PRKN: variants seen among roughly 807,000 people sequenced by gnomAD.
PRKN encodes the protein E3 ubiquitin-protein ligase parkin.
Under a neutral mutation model 59.5 loss-of-function variants are expected in PRKN, and 56 were observed. The ratio of observed to expected loss-of-function variants is 0.94; its 90% CI spans 0.76 to 1.18. The LOEUF (loss-of-function observed/expected upper bound fraction) is 1.18, where lower values mean the gene tolerates loss of function less well. Ranked by LOEUF, PRKN falls within the 50% of genes most tolerant of loss-of-function variation. The pLI, the probability that PRKN is intolerant of heterozygous loss-of-function variation, is 0.00. For synonymous variants in PRKN, 250 were observed against 222.1 expected (o/e 1.13, Z -1.12); for missense variants, 657 against 596.4 (o/e 1.10, Z -1.06).
chr6:162,041,500 C>T (rs1784067342), intron 5 of PRKN, among the ~76,000 whole-genome samples: 1 of 152,176 alleles, frequency 6.6e-6, no homozygotes, highest in Non-Finnish European at 1.5e-5. Flanking sequence ...CCCATTCCCC[C>T]ACCTCTCTCT....
chr6:162,388,327 G>A (rs907356782), intron 2 of PRKN, among the ~76,000 whole-genome samples: 4 of 152,074 alleles, frequency 2.6e-5, no homozygotes, highest in African/African-American at 4.8e-5. Flanking sequence ...AGCTCCAATC[G>A]TCATCTTTCA....
intron 9 of PRKN, among the ~76,000 whole-genome samples, chr6:161,496,400 C>G (rs138632373): frequency 2.8e-4 from 42 of 152,246 alleles, no homozygotes; most frequent in Non-Finnish European, 5.1e-4. Context: ...TAAAGACATA[C>G]TCGACACTGG....
At position 161,791,957 on chromosome 6, in the gene PRKN, G is replaced by A. The variant is rs1303339611; in HGVS notation, c.735-6049C>T. Among the ~76,000 whole-genome samples the A allele has an allele frequency of 3.3e-5, 5 of 152,188 alleles. No homozygotes were observed. In the East Asian group the frequency reaches 7.7e-4, roughly 23 times the overall value. On this transcript the variant is annotated intron_variant, in intron 6 of 11. Transcript: ENST00000366898. ...CGCAGCCTCTGTCTGTGCTCTTACA[G>A]ATCACTTGCTCTGAGGAAAGCGAGC...
intron 4 of PRKN, among the ~76,000 whole-genome samples, chr6:162,060,976 G>A (rs1341985967): frequency 6.6e-6 from 1 of 152,082 alleles, no homozygotes; most frequent in Non-Finnish European, 1.5e-5. Context: ...TCATACTAAG[G>A]ACATAATACA....
chr6:162,340,219 C>G (rs1203234150), intron 2 of PRKN, among the ~76,000 whole-genome samples: 2 of 151,874 alleles, frequency 1.3e-5, no homozygotes, highest in Admixed American at 1.3e-4. Flanking sequence ...GAAAAGCTCT[C>G]TAATTCTATG....
intron 2 of PRKN, among the ~76,000 whole-genome samples, chr6:162,292,801 T>A (rs1781503283): frequency 6.6e-6 from 1 of 152,162 alleles, no homozygotes; most frequent in Admixed American, 6.5e-5. Flanking sequence ...CAGATCTCTT[T>A]GATTAGGTGA....
chr6:161,781,329 C>CA (rs1173523331), intron 7 of PRKN, among the ~76,000 whole-genome samples: 4 of 152,114 alleles, frequency 2.6e-5, no homozygotes, highest in African/African-American at 9.7e-5. Context: ...GCCACATTCA[C>CA]AAAAAATGTG....
intron 6 of PRKN, among the ~76,000 whole-genome samples, chr6:161,872,419 A>G (rs1306370186): frequency 1.3e-5 from 2 of 152,164 alleles, no homozygotes; most frequent in African/African-American, 4.8e-5. Flanking sequence ...ATCTTTCTCA[A>G]ATCTTCTCCA....
intron 1 of PRKN, among the ~76,000 whole-genome samples, chr6:162,604,034 C>T (rs1325609202): frequency 1.3e-5 from 2 of 152,142 alleles, no homozygotes; most frequent in African/African-American, 4.8e-5. Context: ...CAAGTCAACA[C>T]CTCCCTCTGT....
chr6:161,604,930 T>C (rs1041533930), intron 7 of PRKN, among the ~76,000 whole-genome samples: 5 of 151,830 alleles, frequency 3.3e-5, no homozygotes, highest in Non-Finnish European at 7.4e-5. Flanking sequence ...TGAGATTCTG[T>C]CCCCAAAAAA....
chr6:161,680,956 A>AT (rs1785338769), intron 7 of PRKN, among the ~76,000 whole-genome samples: 1 of 151,450 alleles, frequency 6.6e-6, no homozygotes. Flanking sequence ...AGTTTTTAAA[A>AT]TTTTTTAAAT....
chr6:161,836,715 C>G (rs775518952), intron 6 of PRKN, among the ~76,000 whole-genome samples: 4 of 152,126 alleles, frequency 2.6e-5, no homozygotes, highest in African/African-American at 9.7e-5. Context: ...AATGTCATAT[C>G]CAGGTGCAAA....
intron 10 of PRKN, among the ~76,000 whole-genome samples, chr6:161,374,775 A>C (rs374687827): frequency 2.3e-5 from 2 of 85,650 alleles, no homozygotes. Flanking sequence ...TGTGACAATA[A>C]GTTTCTATAA....
intron 1 of PRKN, among the ~76,000 whole-genome samples, chr6:162,588,615 C>G (rs950053677): frequency 2.0e-5 from 3 of 151,802 alleles, no homozygotes; most frequent in Non-Finnish European, 2.9e-5. Context: ...GCAGTGGCGC[C>G]ATCTCGGCTC....
At chr6:161,902,894 G>A (rs909076308) in intron 6 of PRKN, among the ~76,000 whole-genome samples, 1 of 152,102 alleles carries the variant, frequency 6.6e-6, no homozygotes, top group African/African-American at 2.4e-5. Flanking sequence ...AAGCACTAAG[G>A]CACAGCGTTA....
chr6:161,926,343 G>A (rs561361960), intron 6 of PRKN, among the ~76,000 whole-genome samples: 33 of 152,246 alleles, frequency 2.2e-4, no homozygotes, highest in Non-Finnish European at 4.4e-4. Context: ...CCTTTGTAGC[G>A]GGAGTCGCAG....
chr6:162,492,323 G>A (rs1792853988), intron 1 of PRKN, among the ~76,000 whole-genome samples: 1 of 152,164 alleles, frequency 6.6e-6, no homozygotes, highest in Non-Finnish European at 1.5e-5. Context: ...GAAGAGTTTG[G>A]GTTGCATGAA....
At chr6:162,143,857 C>T (rs774454668) in intron 4 of PRKN, among the ~76,000 whole-genome samples, 2 of 151,980 alleles carry the variant, frequency 1.3e-5, no homozygotes, top group Non-Finnish European at 2.9e-5. Flanking sequence ...CCATTCCAGG[C>T]ACAGAGAACT....
chr6:162,543,457 A>G (rs1267610108), intron 1 of PRKN, among the ~76,000 whole-genome samples: 1 of 151,340 alleles, frequency 6.6e-6, no homozygotes, highest in Non-Finnish European at 1.5e-5. Context: ...CCTCTGTTTC[A>G]TCTCTTCAGG....
Sources: allele counts gnomAD v4.1 joint callset (sites outside exome capture counted in the v4.1 genomes callset), GRCh38; gene constraint gnomAD v4.1.1; transcripts MANE v1.5; gene names NCBI Gene and HGNC (gene_info 2026-07-23, HGNC 2026-07-21).